RHBDD1: variants seen among roughly 807,000 people sequenced by gnomAD.
RHBDD1 encodes rhomboid-related protein 4.
Under a neutral mutation model 36.3 loss-of-function variants are expected in RHBDD1, and 38 were observed. The ratio of observed to expected loss-of-function variants is 1.05; its 90% CI spans 0.81 to 1.37. The LOEUF (loss-of-function observed/expected upper bound fraction) is 1.37. Among genes scored for constraint, RHBDD1 ranks in the 40% most tolerant of loss-of-function variants. The pLI, the probability that RHBDD1 is intolerant of heterozygous loss-of-function variation, is 0.00. For missense variants in RHBDD1, 393 were observed against 377.6 expected (o/e 1.04, Z -0.34); for synonymous variants, 151 against 136.5 (o/e 1.11, Z -0.74).
chr2:226,994,997 TAGAGGGAAG>T (rs1959082590), intron 8 of RHBDD1, among the ~76,000 whole-genome samples: 1 of 151,730 alleles, frequency 6.6e-6, no homozygotes, highest in Non-Finnish European at 1.5e-5. Context: ...GGCGGCACAT[TAGAGGGAAG>T]AAAAGGAGCA....
intron 5 of RHBDD1, among the ~76,000 whole-genome samples, chr2:226,883,456 T>C (rs1945946343): frequency 6.6e-6 from 1 of 152,150 alleles, no homozygotes; most frequent in Non-Finnish European, 1.5e-5. Flanking sequence ...TTAGGGTCTG[T>C]TTTACCCAAT....
intron 8 of RHBDD1, among the ~76,000 whole-genome samples, chr2:226,941,090 G>A (rs1372626166): frequency 6.6e-6 from 1 of 151,990 alleles, no homozygotes; most frequent in Admixed American, 6.6e-5. Context: ...GGGATTACAG[G>A]CATGCACCAC....
chr2:226,978,365 T>C (rs1954971071), intron 8 of RHBDD1, among the ~76,000 whole-genome samples: 1 of 152,104 alleles, frequency 6.6e-6, no homozygotes, highest in African/African-American at 2.4e-5. Context: ...TAGAGAAAGG[T>C]TGGATGGTAA....
chr2:226,812,242 A>G, the RHBDD1 span, among the ~76,000 whole-genome samples: 1 of 152,246 alleles, frequency 6.6e-6, no homozygotes, highest in Admixed American at 6.5e-5. Flanking sequence ...CTGACTTTAA[A>G]AAAATGGAAT....
chr2:226,915,112 T>C (rs1035174696), intron 8 of RHBDD1, among the ~76,000 whole-genome samples: 2 of 151,696 alleles, frequency 1.3e-5, no homozygotes, highest in Non-Finnish European at 2.9e-5. Context: ...CTACTAGATG[T>C]GATACCACAC....
chr2:226,983,468 T>A (rs1256926510), intron 8 of RHBDD1, among the ~76,000 whole-genome samples: 1 of 152,158 alleles, frequency 6.6e-6, no homozygotes, highest in East Asian at 1.9e-4. Context: ...CCATTTCTTT[T>A]CCCAGGCCCA....
At chr2:226,904,880 G>A (rs548197800) in intron 5 of RHBDD1, among the ~76,000 whole-genome samples, 11 of 152,190 alleles carry the variant, frequency 7.2e-5, no homozygotes, top group Non-Finnish European at 1.3e-4. Context: ...GATTGCCGTG[G>A]CTCAGCAAGC....
intron 5 of RHBDD1, among the ~76,000 whole-genome samples, chr2:226,889,869 C>T (rs1946548214): frequency 6.6e-6 from 1 of 152,196 alleles, no homozygotes; most frequent in African/African-American, 2.4e-5. Flanking sequence ...CTCTGTACTT[C>T]ATAGTCCTAG....
the RHBDD1 span, among the ~76,000 whole-genome samples, chr2:226,825,202 C>T: frequency 6.6e-6 from 1 of 151,994 alleles, no homozygotes; most frequent in Non-Finnish European, 1.5e-5. Context: ...CAATGGCACA[C>T]AGAGAATGTG....
At chr2:226,869,472 A>C (rs1488801920) in intron 5 of RHBDD1, among the ~76,000 whole-genome samples, 1 of 152,206 alleles carries the variant, frequency 6.6e-6, no homozygotes, top group South Asian at 2.1e-4. Flanking sequence ...ATGGTTGTCA[A>C]TTAGAATTTT....
At chr2:226,987,990 G>A (rs917352180) in intron 8 of RHBDD1, among the ~76,000 whole-genome samples, 37 of 152,178 alleles carry the variant, frequency 2.4e-4, no homozygotes, top group African/African-American at 8.4e-4. Context: ...CTGTGCATAG[G>A]GCCAGGGCTG....
At chr2:226,918,509 T>A (rs1217345110) in intron 8 of RHBDD1, among the ~76,000 whole-genome samples, 1 of 152,006 alleles carries the variant, frequency 6.6e-6, no homozygotes, top group African/African-American at 2.4e-5. Flanking sequence ...TCACTCTCTA[T>A]CTCCATGAGT....
chr2:226,816,821 A>T, the RHBDD1 span, among the ~76,000 whole-genome samples: 3 of 152,186 alleles, frequency 2.0e-5, no homozygotes, highest in Non-Finnish European at 2.9e-5. Flanking sequence ...ATTCGAGTCC[A>T]GGAGGCAAAG....
chr2:226,852,099 A>G (rs1942870435), intron 3 of RHBDD1, among the ~76,000 whole-genome samples: 1 of 152,130 alleles, frequency 6.6e-6, no homozygotes, highest in Admixed American at 6.5e-5. Context: ...CTCTGAATCA[A>G]TCTGACTGCT....
At chr2:226,901,397 G>A (rs1175018194) in intron 5 of RHBDD1, among the ~76,000 whole-genome samples, 2 of 152,126 alleles carry the variant, frequency 1.3e-5, no homozygotes, top group Non-Finnish European at 2.9e-5. Context: ...GGGTATATAT[G>A]CAGAAGTAGA....
intron 8 of RHBDD1, among the ~76,000 whole-genome samples, chr2:226,939,345 G>A (rs968383464): frequency 2.0e-5 from 3 of 152,200 alleles, no homozygotes; most frequent in African/African-American, 7.2e-5. Context: ...ATCTTTGTTT[G>A]TAGATGACAT....
chr2:226,956,406 T>A (rs545556281), intron 8 of RHBDD1, among the ~76,000 whole-genome samples: 1 of 152,248 alleles, frequency 6.6e-6, no homozygotes, highest in Non-Finnish European at 1.5e-5. Context: ...AGGTTCCATA[T>A]TTGACTGATT....
intron 8 of RHBDD1, among the ~76,000 whole-genome samples, chr2:226,948,951 C>G (rs1559303376): frequency 6.6e-6 from 1 of 152,144 alleles, no homozygotes; most frequent in African/African-American, 2.4e-5. Context: ...TCTCAGGATA[C>G]AAAAATCAAT....
intron 5 of RHBDD1, among the ~76,000 whole-genome samples, chr2:226,897,679 A>T (rs190470968): frequency 6.6e-4 from 100 of 152,260 alleles, no homozygotes; most frequent in African/African-American, 2.3e-3. Flanking sequence ...TTTCTTTAAG[A>T]ACCAGCTCTG....
Sources: allele counts gnomAD v4.1 joint callset (sites outside exome capture counted in the v4.1 genomes callset), GRCh38; gene constraint gnomAD v4.1.1; transcripts MANE v1.5; gene names NCBI Gene and HGNC (gene_info 2026-07-23, HGNC 2026-07-21).